The following NT5DC1 variants were observed in gnomAD, a reference collection of about 807,000 sequenced individuals.
NT5DC1 encodes the protein 5'-nucleotidase domain containing 1.
In NT5DC1, 42 loss-of-function variants were observed where a neutral mutation model predicts 59.4. The ratio of observed to expected loss-of-function variants is 0.71; its 90% CI spans 0.55 to 0.92. The LOEUF is 0.92. NT5DC1 is among the 40% of genes least tolerant of loss of function. The probability of loss-of-function intolerance (pLI) is 0.00; values close to 1 mark genes in which losing one functional copy is unlikely to be tolerated. For missense variants in NT5DC1, 501 were observed against 537.1 expected, an observed-to-expected ratio of 0.93 and a Z score of 0.66; for synonymous variants, 172 against 188.1, an observed-to-expected ratio of 0.91 and a Z score of 0.70.
At chr6:116,229,180 A>G (rs1781961844) in intron 8 of NT5DC1, among the ~76,000 whole-genome samples, 1 of 152,140 alleles carries the variant, frequency 6.6e-6, no homozygotes, top group Admixed American at 6.5e-5. Flanking sequence ...GTAAGCAAAA[A>G]CCACAATTAC....
intron 10 of NT5DC1, 55 bp from the exon 11 acceptor site, chr6:116,238,900 A>G: frequency 3.6e-6 from 4 of 1,125,614 alleles, no homozygotes; most frequent in Non-Finnish European, 5.3e-6. Context: ...CAAAAAAATT[A>G]TGAGATTGAA....
intron 6 of NT5DC1, among the ~76,000 whole-genome samples, chr6:116,124,770 A>G (rs1203574742): frequency 6.6e-6 from 1 of 152,204 alleles, no homozygotes. Context: ...GCTAAACTAT[A>G]TTCAAAATGT....
At chr6:116,204,646 C>G (rs944514918) in intron 6 of NT5DC1, among the ~76,000 whole-genome samples, 1 of 151,906 alleles carries the variant, frequency 6.6e-6, no homozygotes, top group African/African-American at 2.4e-5. Flanking sequence ...CATATGTATA[C>G]ATGGACTCAG....
chr6:116,145,351 TA>T (rs574021792), intron 6 of NT5DC1: 368 of 266,714 alleles, frequency 1.4e-3, no homozygotes, highest in South Asian at 2.8e-3. Context: ...TATGAAATGC[TA>T]AAAAAAAATC....
intron 6 of NT5DC1, among the ~76,000 whole-genome samples, chr6:116,179,992 C>A (rs952920326): frequency 6.6e-6 from 1 of 151,938 alleles, no homozygotes; most frequent in African/African-American, 2.4e-5. Flanking sequence ...GCATAAAATA[C>A]CCAGAAGTTT....
intron 6 of NT5DC1, among the ~76,000 whole-genome samples, chr6:116,207,437 A>C (rs1318792204): frequency 6.6e-6 from 1 of 151,944 alleles, no homozygotes; most frequent in Non-Finnish European, 1.5e-5. Flanking sequence ...TATATAGGTA[A>C]AGACTAAGTT....
At chr6:116,156,185 A>G (rs1481127698) in intron 6 of NT5DC1, among the ~76,000 whole-genome samples, 1 of 152,158 alleles carries the variant, frequency 6.6e-6, no homozygotes, top group Non-Finnish European at 1.5e-5. Flanking sequence ...AGGAATAAGT[A>G]AAATATTTGC....
intron 11 of NT5DC1, among the ~76,000 whole-genome samples, chr6:116,240,021 G>C (rs1386220364): frequency 6.6e-6 from 1 of 152,166 alleles, no homozygotes; most frequent in Non-Finnish European, 1.5e-5. Flanking sequence ...CAGCGAATTA[G>C]ACACAGATGA....
chr6:116,108,691 A>G (rs1282923767), intron 3 of NT5DC1, among the ~76,000 whole-genome samples: 1 of 152,224 alleles, frequency 6.6e-6, no homozygotes, highest in African/African-American at 2.4e-5. Context: ...GAAAGTTTAT[A>G]ACCTGCTACG....
At chr6:116,111,058 C>T in intron 4 of NT5DC1, 102 bp downstream of exon 4, 1 of 764,206 alleles carries the variant, frequency 1.3e-6, no homozygotes, top group South Asian at 1.7e-5. Flanking sequence ...CCCTGCTGGG[C>T]AGGATGCCAA....
chr6:116,150,643 G>A (rs1582836640), intron 6 of NT5DC1, among the ~76,000 whole-genome samples: 1 of 152,152 alleles, frequency 6.6e-6, no homozygotes, highest in African/African-American at 2.4e-5. Context: ...CTGGACAAGA[G>A]TGAGTTTTAG....
At chr6:116,242,250 G>A (rs1403196830) in intron 11 of NT5DC1, among the ~76,000 whole-genome samples, 2 of 150,594 alleles carry the variant, frequency 1.3e-5, no homozygotes, top group Non-Finnish European at 3.0e-5. Context: ...GGGCGCCTGT[G>A]GGAGGCTGAG....
At chr6:116,238,464 TAAA>T (rs56266433) in intron 10 of NT5DC1, 116 bp downstream of exon 10, 5,059 of 255,186 alleles carry the variant, frequency 0.02, no homozygotes, top group East Asian at 0.036. Context: ...ACCATCATGT[TAAA>T]AAAAAAAAAA....
chr6:116,143,187 A>G (rs1370559226), intron 6 of NT5DC1, among the ~76,000 whole-genome samples: 1 of 152,044 alleles, frequency 6.6e-6, no homozygotes, highest in Non-Finnish European at 1.5e-5. Flanking sequence ...TAAAAGAGAT[A>G]GTACTACATT....
intron 6 of NT5DC1, among the ~76,000 whole-genome samples, chr6:116,220,122 C>CTTTTTTTTTTTTTTTTTTTTTTTTTTT (rs60827021): frequency 1.0e-5 from 1 of 98,620 alleles, no homozygotes; most frequent in African/African-American, 4.3e-5. Context: ...GCTGTTTAAC[C>CTTTTTTTTTTTTTTTTTTTTTTTTTTT]TTTTTTTTTT....
chr6:116,209,248 T>C (rs1781524280), intron 6 of NT5DC1, among the ~76,000 whole-genome samples: 1 of 151,992 alleles, frequency 6.6e-6, no homozygotes, highest in African/African-American at 2.4e-5. Flanking sequence ...TCAAGGCTAT[T>C]ATATTGATAC....
At chr6:116,211,427 A>G (rs911755206) in intron 6 of NT5DC1, among the ~76,000 whole-genome samples, 12 of 152,120 alleles carry the variant, frequency 7.9e-5, no homozygotes, top group African/African-American at 2.9e-4. Context: ...AAAGTGTATC[A>G]TATATAAGAA....
At chr6:116,125,805 G>C (rs1437609745) in intron 6 of NT5DC1, 1 of 242,568 alleles carries the variant, frequency 4.1e-6, no homozygotes, top group Non-Finnish European at 8.1e-6. Context: ...CTTTGACATA[G>C]CCTGAAATAT....
At chr6:116,189,950 TTTG>T (rs1364837582) in intron 6 of NT5DC1, among the ~76,000 whole-genome samples, 1 of 152,034 alleles carries the variant, frequency 6.6e-6, no homozygotes, top group Non-Finnish European at 1.5e-5. Context: ...GAAGTAAATG[TTTG>T]TTGTTCTTTT....
Sources: allele counts gnomAD v4.1 joint callset (sites outside exome capture counted in the v4.1 genomes callset), GRCh38; gene constraint gnomAD v4.1.1; transcripts MANE v1.5; gene names NCBI Gene and HGNC (gene_info 2026-07-23, HGNC 2026-07-21).